MCC: variants seen among roughly 807,000 people sequenced by gnomAD.
MCC encodes the protein colorectal mutant cancer protein.
In MCC, 90 loss-of-function variants were observed where a neutral mutation model predicts 116.2. The ratio of observed to expected loss-of-function variants is 0.77; its 90% CI spans 0.65 to 0.92. The LOEUF is 0.92. MCC is among the 40% of genes least tolerant of loss of function. MCC has a pLI of 0.00. For synonymous variants in MCC, 578 were observed against 510.5 expected, an observed-to-expected ratio of 1.13 and a Z score of -1.78; for missense variants, 1,516 against 1,312.2, an observed-to-expected ratio of 1.16 and a Z score of -2.40.
chr5:113,226,233 A>AG (rs1418184621), intron 3 of MCC, among the ~76,000 whole-genome samples: 1 of 152,234 alleles, frequency 6.6e-6, no homozygotes, highest in East Asian at 1.9e-4. Flanking sequence ...CTTTCTGGAG[A>AG]GGAAAAAAAG....
chr5:113,141,926 G>A (rs1037194907), intron 5 of MCC, among the ~76,000 whole-genome samples: 1 of 152,154 alleles, frequency 6.6e-6, no homozygotes, highest in African/African-American at 2.4e-5. Context: ...ATTTGCCAGT[G>A]TCCTATGCCA....
At chr5:113,401,240 G>A (rs1769678367) in intron 1 of MCC, among the ~76,000 whole-genome samples, 1 of 151,640 alleles carries the variant, frequency 6.6e-6, no homozygotes, top group Non-Finnish European at 1.5e-5. Context: ...CTTTCACCAG[G>A]GTAAAAAGAT....
chr5:113,449,791 A>G (rs1771334565), intron 1 of MCC, among the ~76,000 whole-genome samples: 1 of 152,228 alleles, frequency 6.6e-6, no homozygotes, highest in African/African-American at 2.4e-5. Flanking sequence ...CTTCGGGCAC[A>G]TTTGTCTAAA....
At chr5:113,475,038 C>G (rs537478437) in intron 1 of MCC, among the ~76,000 whole-genome samples, 2 of 152,196 alleles carry the variant, frequency 1.3e-5, no homozygotes, top group African/African-American at 4.8e-5. Flanking sequence ...GCAGCCACAT[C>G]GTTATGAAAA....
At chr5:113,332,494 G>A (rs116421856) in intron 3 of MCC, among the ~76,000 whole-genome samples, 3,385 of 148,206 alleles carry the variant, frequency 0.023, 83 homozygotes, top group East Asian at 0.075. Flanking sequence ...AAGACTGCTT[G>A]AGCCCAAGAG....
At chr5:113,362,617 G>C (rs1320888938) in intron 2 of MCC, among the ~76,000 whole-genome samples, 1 of 151,722 alleles carries the variant, frequency 6.6e-6, no homozygotes, top group Non-Finnish European at 1.5e-5. Flanking sequence ...TTTTTTTATA[G>C]GTGTCAATTT....
At chr5:113,058,875 A>T (rs933645926) in intron 14 of MCC, among the ~76,000 whole-genome samples, 11 of 152,210 alleles carry the variant, frequency 7.2e-5, no homozygotes, top group African/African-American at 2.4e-4. Context: ...TGGCTTTGCC[A>T]ACAGCCCCAC....
chr5:113,405,751 G>A (rs1340798403), intron 1 of MCC, among the ~76,000 whole-genome samples: 1 of 151,654 alleles, frequency 6.6e-6, no homozygotes, highest in African/African-American at 2.4e-5. Context: ...AGCCTGCAGT[G>A]AGCCATGATG....
intron 3 of MCC, among the ~76,000 whole-genome samples, chr5:113,290,367 A>G (rs537170834): frequency 8.5e-5 from 13 of 152,268 alleles, no homozygotes; most frequent in Non-Finnish European, 1.0e-4. Flanking sequence ...AATGTTTAAA[A>G]GGCAAAGAGT....
intron 6 of MCC, among the ~76,000 whole-genome samples, chr5:113,107,464 C>A (rs1034589372): frequency 6.6e-6 from 1 of 152,080 alleles, no homozygotes; most frequent in Admixed American, 6.6e-5. Context: ...TGCTTTTGTT[C>A]CTTGTTGTGG....
chr5:113,301,999 A>G (rs923307245), intron 3 of MCC, among the ~76,000 whole-genome samples: 2 of 152,234 alleles, frequency 1.3e-5, no homozygotes, highest in African/African-American at 2.4e-5. Context: ...CACAAGCTTT[A>G]CCACTAGGTA....
At chr5:113,367,684 CCT>C (rs1768736050) in intron 2 of MCC, among the ~76,000 whole-genome samples, 1 of 151,594 alleles carries the variant, frequency 6.6e-6, no homozygotes, top group Non-Finnish European at 1.5e-5. Context: ...GAGAGAATCC[CCT>C]GACTGACTCT....
At chr5:113,337,384 C>G (rs371307543) in intron 3 of MCC, among the ~76,000 whole-genome samples, 3 of 152,160 alleles carry the variant, frequency 2.0e-5, no homozygotes, top group African/African-American at 7.2e-5. Flanking sequence ...TTCCTGCTTG[C>G]CAGCCCTGGC....
chr5:113,458,825 A>AT (rs1771655978), intron 1 of MCC, among the ~76,000 whole-genome samples: 1 of 152,176 alleles, frequency 6.6e-6, no homozygotes, highest in Admixed American at 6.5e-5. Flanking sequence ...CAAAACCCAA[A>AT]GTGGTCTGCC....
chr5:113,354,379 T>C (rs1368342896), intron 2 of MCC, among the ~76,000 whole-genome samples: 1 of 152,112 alleles, frequency 6.6e-6, no homozygotes, highest in African/African-American at 2.4e-5. Flanking sequence ...GAGTTTAATA[T>C]TGATTGGATT....
chr5:113,327,561 A>AATATATATATATATAT lies in MCC; in HGVS notation c.627+12942_627+12957dup, dbSNP rs869214073. 2.8e-3 allele frequency among the ~76,000 whole-genome samples: 222 copies of AATATATATATATATAT among 80,464 alleles called. 2 individuals carry two copies. The highest frequency in any genetic ancestry group is 3.4e-3 in the Non-Finnish European group (139 of 40,336). 52.8% of individuals were successfully genotyped at this position (80,464 alleles called of 152,430 possible). ...ACTCAGTCTCAAAAAAAAAAAAAAA[A>AATATATATATATATAT]ATATATATATATATATATATATATA... is the stretch of plus-strand genomic sequence containing the variant. On this transcript the variant is annotated intron_variant, in intron 3 of 18. Transcript: ENST00000408903.
rs116027875 is a variant in MCC at position 113,156,434 on chromosome 5, C to G, written c.628-5012G>C. Among the ~76,000 whole-genome samples, 855 of 152,304 alleles carry G rather than the reference C, an allele frequency of 5.6e-3. 12 individuals carry two copies. The highest frequency in any genetic ancestry group is 0.019 in the African/African-American group (802 of 41,566). On this transcript the variant is annotated intron_variant, in intron 3 of 18. Transcript: ENST00000408903. ...AACGGGTTTGTTTGAAGTCAACAAC[C>G]TTCTCAGGCAGACCAAGCCCCATCA... is the stretch of plus-strand genomic sequence containing the variant.
Position 113,294,890 on chromosome 5 carries a change from G to T in MCC, c.627+45629C>A, listed in dbSNP as rs1435692686. 3.0e-6 allele frequency: 3 copies of T among 985,532 alleles called. No individual in the cohort carries two copies. In the African/African-American group the frequency reaches 5.2e-5, roughly 17 times the overall value. The allele number at this position is 985,532 out of a possible 1,614,324, so 61.0% of individuals were successfully genotyped here. A position where few individuals can be genotyped will look rare whatever the true frequency, so the allele number is the denominator to read the frequency against. ...AAAGAAAGCTAGAGGGAGCCGGAGC[G>T]GAGCTGCACTTCACGCCGAAGTTTC... is the stretch of plus-strand genomic sequence containing the variant. On this transcript the variant is annotated intron_variant, in intron 3 of 18. Transcript: ENST00000408903.
intron 1 of MCC, among the ~76,000 whole-genome samples, chr5:113,432,336 A>G (rs1580366436): frequency 6.6e-6 from 1 of 151,428 alleles, no homozygotes; most frequent in Non-Finnish European, 1.5e-5. Flanking sequence ...AAAAAAAAAA[A>G]AAAAAAAGAA....
Sources: gnomAD v4.1 joint callset for allele counts (sites outside exome capture counted in the v4.1 genomes callset) on GRCh38, gnomAD v4.1.1 for gene constraint, MANE v1.5 for transcripts, NCBI Gene and HGNC (gene_info 2026-07-23, HGNC 2026-07-21) for gene names.